PCSK2: variants seen among roughly 807,000 people sequenced by gnomAD.
The protein encoded by PCSK2 is proprotein convertase subtilisin/kexin type 2.
Under a neutral mutation model 69.7 loss-of-function variants are expected in PCSK2, and 14 were observed. That is an observed-to-expected ratio of 0.20 (90% confidence interval 0.13 to 0.31). The LOEUF is 0.31. Among genes scored for constraint, PCSK2 ranks in the 10% least tolerant of loss-of-function variants. The pLI, the probability that PCSK2 is intolerant of heterozygous loss-of-function variation, is 1.00. For synonymous variants in PCSK2, 307 were observed against 320.7 expected, an observed-to-expected ratio of 0.96 and a Z score of 0.46; for missense variants, 544 against 842.5, an observed-to-expected ratio of 0.65 and a Z score of 4.39.
upstream of PCSK2, chr20:17,226,994 G>T (rs1363197123): frequency 1.4e-5 from 3 of 216,284 alleles, no homozygotes; most frequent in Admixed American, 1.7e-4. Context: ...TGGAGCTGAG[G>T]AGGAGCTGAA....
intron 5 of PCSK2, among the ~76,000 whole-genome samples, chr20:17,398,825 G>C (rs2031572101): frequency 6.6e-6 from 1 of 151,910 alleles, no homozygotes. Flanking sequence ...TCTAGGAATT[G>C]CTCAAGTATT....
At chr20:17,358,488 G>A in intron 3 of PCSK2, 48 bp downstream of exon 3, 1 of 1,009,048 alleles carries the variant, frequency 9.9e-7, no homozygotes, top group East Asian at 2.4e-5. Flanking sequence ...TGAGACTCTG[G>A]ATAAAAGATG....
intron 2 of PCSK2, among the ~76,000 whole-genome samples, chr20:17,306,319 C>A (rs1395279097): frequency 6.6e-6 from 1 of 151,566 alleles, no homozygotes; most frequent in Non-Finnish European, 1.5e-5. Flanking sequence ...TTAAATTATG[C>A]CCCCCCAAAA....
At chr20:17,242,627 C>T (rs1986624290) in intron 1 of PCSK2, among the ~76,000 whole-genome samples, 1 of 152,144 alleles carries the variant, frequency 6.6e-6, no homozygotes, top group Non-Finnish European at 1.5e-5. Context: ...TGCAAAGGAC[C>T]TTCTCAGACC....
At chr20:17,359,738 C>T (rs1418112757) in intron 3 of PCSK2, among the ~76,000 whole-genome samples, 2 of 152,198 alleles carry the variant, frequency 1.3e-5, no homozygotes, top group African/African-American at 4.8e-5. Context: ...AATGTTTTAG[C>T]AATATCATAA....
At chr20:17,279,712 G>A (rs924256997) in intron 2 of PCSK2, among the ~76,000 whole-genome samples, 47 of 151,428 alleles carry the variant, frequency 3.1e-4, no homozygotes, top group Non-Finnish European at 4.9e-4. Context: ...GCCTGAACCC[G>A]GGAGGCAGTG....
intron 10 of PCSK2, among the ~76,000 whole-genome samples, chr20:17,459,709 C>G (rs2032981285): frequency 6.6e-6 from 1 of 152,200 alleles, no homozygotes; most frequent in Non-Finnish European, 1.5e-5. Context: ...TTAAAAAATA[C>G]ATTCCCAAGC....
Position 17,453,952 on chromosome 20 carries a change from G to A in PCSK2, c.1096G>A (p.Gly366Ser), listed in dbSNP as rs377734393. 68 of 1,614,008 alleles carry A rather than the reference G, an allele frequency of 4.2e-5. No homozygotes were observed. Among genetic ancestry groups the A allele is most frequent in the Middle Eastern group, 3.3e-4 (2 of 6,084 alleles). ...SNGRKRNPEA[G>S]VATTDLYGNC... Reference sequence around the variant, plus strand: ...CGGGAGGAAAAGGAACCCCGAGGCCGGTGTGGTGAGCACGTCCCCTTCTGT... The same window carrying A: ...CGGGAGGAAAAGGAACCCCGAGGCCAGTGTGGTGAGCACGTCCCCTTCTGT... The change falls in exon 9 of 12, where the codon GGT (glycine) becomes AGT (serine). Residue 366 changes from glycine (G) to serine (S), a missense_variant. By Grantham distance (56) the Gly-to-Ser change is moderately conservative. Transcript: ENST00000262545. This position sits in a 1 kb window ranked among gnomAD's most constrained non-coding sequence, Gnocchi z 4.0.
At chr20:17,412,044 A>G (rs1293872519) in intron 6 of PCSK2, among the ~76,000 whole-genome samples, 1 of 152,242 alleles carries the variant, frequency 6.6e-6, no homozygotes. Flanking sequence ...ATCAAAGACC[A>G]AAGGTAGATA....
intron 7 of PCSK2, among the ~76,000 whole-genome samples, chr20:17,436,348 C>G (rs1365426432): frequency 6.6e-6 from 1 of 152,136 alleles, no homozygotes; most frequent in Non-Finnish European, 1.5e-5. Context: ...TTATTTCTCC[C>G]TTAAAACTTG....
chr20:17,386,357 C>T (rs1248509100), intron 5 of PCSK2, among the ~76,000 whole-genome samples: 4 of 152,088 alleles, frequency 2.6e-5, no homozygotes, highest in Admixed American at 1.3e-4. Context: ...ATCAATCAAT[C>T]GATGAATGGA....
chr20:17,229,200 C>T (rs372775677), intron 1 of PCSK2, among the ~76,000 whole-genome samples: 22 of 151,882 alleles, frequency 1.4e-4, no homozygotes, highest in African/African-American at 3.9e-4. Flanking sequence ...CCTATGGCCC[C>T]GTTGAGGAAA....
intron 5 of PCSK2, among the ~76,000 whole-genome samples, chr20:17,397,272 C>G (rs2031531760): frequency 1.3e-5 from 2 of 152,140 alleles, no homozygotes; most frequent in East Asian, 1.9e-4. Flanking sequence ...ATTCCTGCAG[C>G]TTGGCATTGA....
chr20:17,385,582 T>C (rs2031213242), intron 5 of PCSK2, among the ~76,000 whole-genome samples: 1 of 152,250 alleles, frequency 6.6e-6, no homozygotes, highest in African/African-American at 2.4e-5. Flanking sequence ...TGCATGATGC[T>C]GTATACACTA....
chr20:17,389,740 T>G (rs958325004), intron 5 of PCSK2, among the ~76,000 whole-genome samples: 10 of 152,202 alleles, frequency 6.6e-5, no homozygotes, highest in Admixed American at 2.0e-4. Context: ...ATTTCCTTTA[T>G]GGAAAATCCT....
At chr20:17,457,240 T>C (rs2032938422) in intron 10 of PCSK2, among the ~76,000 whole-genome samples, 1 of 152,114 alleles carries the variant, frequency 6.6e-6, no homozygotes, top group African/African-American at 2.4e-5. Context: ...AGAATGCAGT[T>C]CCCAGCAACT....
intron 2 of PCSK2, among the ~76,000 whole-genome samples, chr20:17,333,200 C>T (rs1990247832): frequency 6.6e-6 from 1 of 152,036 alleles, no homozygotes; most frequent in African/African-American, 2.4e-5. Flanking sequence ...AATGATTTTG[C>T]ATATGTCGTA....
intron 1 of PCSK2, among the ~76,000 whole-genome samples, chr20:17,243,989 A>G (rs1986682074): frequency 6.6e-6 from 1 of 152,152 alleles, no homozygotes; most frequent in Non-Finnish European, 1.5e-5. Context: ...TGCTATTAAG[A>G]CAGTTGGCAA....
intron 2 of PCSK2, among the ~76,000 whole-genome samples, chr20:17,311,488 C>T (rs1989509718): frequency 6.6e-6 from 1 of 151,976 alleles, no homozygotes; most frequent in Non-Finnish European, 1.5e-5. Flanking sequence ...GTTGGTCTTC[C>T]AAGGTGACCC....
Sources: gnomAD v4.1 joint callset for allele counts (sites outside exome capture counted in the v4.1 genomes callset) on GRCh38, gnomAD v4.1.1 for gene constraint, Gnocchi (gnomAD v3.1) non-coding constraint, MANE v1.5 for transcripts, NCBI Gene and HGNC (gene_info 2026-07-23, HGNC 2026-07-21) for gene names.